The following KCNMA1 variants were observed in gnomAD, a reference collection of about 807,000 sequenced individuals.
KCNMA1 encodes potassium calcium-activated channel subfamily M alpha 1, also known as Calcium-activated potassium channel subunit alpha-1.
Under a neutral mutation model 140.0 loss-of-function variants are expected in KCNMA1, and 29 were observed. The ratio of observed to expected loss-of-function variants is 0.21; its 90% CI spans 0.15 to 0.28. The LOEUF is 0.28. Ranked by LOEUF, KCNMA1 falls within the 10% of genes least tolerant of loss-of-function variation. The pLI, the probability that KCNMA1 is intolerant of heterozygous loss-of-function variation, is 1.00. For synonymous variants in KCNMA1, 612 were observed against 611.9 expected (o/e 1.00, Z 0.00); for missense variants, 880 against 1,602.2 (o/e 0.55, Z 7.70).
intron 1 of KCNMA1, among the ~76,000 whole-genome samples, chr10:77,472,927 T>C (rs2098196669): frequency 6.6e-6 from 1 of 152,196 alleles, no homozygotes; most frequent in Admixed American, 6.5e-5. Flanking sequence ...CTGACATTCA[T>C]GGTGGGCTCG....
chr10:77,317,468 G>A (rs544696578), intron 2 of KCNMA1, among the ~76,000 whole-genome samples: 5 of 152,236 alleles, frequency 3.3e-5, no homozygotes, highest in Non-Finnish European at 4.4e-5. Context: ...GGAGTGTTAT[G>A]CTCAGATGAG....
Position 77,108,281 on chromosome 10 carries a change from C to T in KCNMA1, c.1223+200G>A. The stretch of plus-strand genomic sequence containing the variant: ...ACCACATCTTTTCTGATGCAACTGA[C>T]TTACTTTCTGCCTCCATGTTTGTTA... On this transcript the variant is annotated intron_variant, in intron 9 of 27. Transcript: ENST00000286628. The surrounding 1 kb of genome is among the most constrained non-coding windows in gnomAD (Gnocchi z 4.6). 1 of 1,472,046 alleles carries T rather than the reference C, an allele frequency of 6.8e-7. No homozygotes were observed. Among genetic ancestry groups the T allele is most frequent in the South Asian group, 1.4e-5 (1 of 71,056 alleles). The allele number at this position is 1,472,046 out of a possible 1,614,324, so 91.2% of individuals were successfully genotyped here.
chr10:77,362,803 C>T (rs900666006), intron 2 of KCNMA1, among the ~76,000 whole-genome samples: 2 of 152,190 alleles, frequency 1.3e-5, no homozygotes, highest in African/African-American at 2.4e-5. Context: ...AATCTCTTCA[C>T]GGACCGCTTG....
intron 6 of KCNMA1, 67 bp from the exon 7 acceptor site, chr10:77,112,509 A>G: frequency 8.6e-7 from 1 of 1,165,768 alleles, no homozygotes; most frequent in East Asian, 2.4e-5. Context: ...GCTGCCTTAC[A>G]GGGTAACAGC....
At position 77,144,021 on chromosome 10, in the gene KCNMA1, G is replaced by T. The variant is rs536438220; in HGVS notation, c.809-22973C>A. On this transcript the variant is annotated intron_variant, in intron 5 of 27. Coordinates refer to ENST00000286628, the MANE Select transcript of KCNMA1 (RefSeq NM_001161352.2). ...TCCTTTGGAAAACTGGCAGTTTCTTGTAATGTTAAACATGCATCTATCCTA... is the reference window on the plus strand; with the variant it reads ...TCCTTTGGAAAACTGGCAGTTTCTTTTAATGTTAAACATGCATCTATCCTA... Among the ~76,000 whole-genome samples the T allele has an allele frequency of 2.0e-3, 308 of 152,168 alleles. 1 individual carries two copies. The highest frequency in any genetic ancestry group is 6.9e-3 in the African/African-American group (285 of 41,538).
chr10:77,116,281 T>G (rs1014220961), intron 6 of KCNMA1, among the ~76,000 whole-genome samples: 9 of 152,194 alleles, frequency 5.9e-5, no homozygotes, highest in Admixed American at 1.3e-4. Flanking sequence ...TGAATCATGA[T>G]AGGTCAGGCA....
chr10:77,399,439 G>A (rs957701667), intron 2 of KCNMA1, among the ~76,000 whole-genome samples: 39 of 152,102 alleles, frequency 2.6e-4, no homozygotes, highest in African/African-American at 8.9e-4. Context: ...ATAAACATTT[G>A]TTTAGTTAAG....
chr10:77,152,305 TG>T (rs951279401), intron 5 of KCNMA1, among the ~76,000 whole-genome samples: 2 of 151,838 alleles, frequency 1.3e-5, no homozygotes, highest in African/African-American at 4.8e-5. Flanking sequence ...TGTGTGTGTG[TG>T]TGTTGTTGCT....
At chr10:77,609,032 T>C (rs184920642) in intron 1 of KCNMA1, among the ~76,000 whole-genome samples, 1 of 152,300 alleles carries the variant, frequency 6.6e-6, no homozygotes, top group Admixed American at 6.5e-5. Context: ...GAAAACAGTA[T>C]GGAGGTTCCT....
At position 77,400,014 on chromosome 10, in the gene KCNMA1, C is replaced by T. The variant is rs147543463; in HGVS notation, c.540+3848G>A. 5.5e-3 allele frequency among the ~76,000 whole-genome samples: 842 copies of T among 152,252 alleles called. 8 individuals are homozygous for T. Among genetic ancestry groups the T allele is most frequent in the Middle Eastern group, 0.031 (9 of 294 alleles). On this transcript the variant is annotated intron_variant, in intron 2 of 27. Coordinates refer to ENST00000286628, the MANE Select transcript of KCNMA1 (RefSeq NM_001161352.2). ...CAGATGAGGAGGCCAAGCTCCTGAG[C>T]GTGCATCAAGGAAAACAAATTAAAA...
chr10:77,123,922 C>T (rs142887148), intron 5 of KCNMA1, among the ~76,000 whole-genome samples: 2 of 152,146 alleles, frequency 1.3e-5, no homozygotes, highest in Admixed American at 1.3e-4. Flanking sequence ...CCAGGGAGTG[C>T]AGATGGCACG....
chr10:77,582,913 T>A (rs370434381), intron 1 of KCNMA1, among the ~76,000 whole-genome samples: 12 of 152,172 alleles, frequency 7.9e-5, no homozygotes, highest in African/African-American at 2.7e-4. Context: ...TTCCTCTGAC[T>A]CATCTGCACA....
At chr10:77,213,712 T>G (rs2046835347) in intron 3 of KCNMA1, among the ~76,000 whole-genome samples, 1 of 152,164 alleles carries the variant, frequency 6.6e-6, no homozygotes, top group Admixed American at 6.5e-5. Context: ...GTCCTTGCTC[T>G]GCTGATTGTC....
At chr10:77,438,563 C>CA (rs1181096294) in intron 1 of KCNMA1, among the ~76,000 whole-genome samples, 2,783 of 103,444 alleles carry the variant, frequency 0.027, 99 homozygotes, top group Admixed American at 0.13. Context: ...AACTCTGTCT[C>CA]AAAAAAAAAA....
chr10:77,097,174 G>T (rs1378903968), intron 9 of KCNMA1, among the ~76,000 whole-genome samples: 1 of 152,126 alleles, frequency 6.6e-6, no homozygotes, highest in Non-Finnish European at 1.5e-5. Context: ...CTTAATGCAG[G>T]TTTCCCTGAT....
Position 77,081,994 on chromosome 10 carries a change from CTTTTTTTCTTTTCTTTTTTTTT to C in KCNMA1, c.1524-2466_1524-2445del, listed in dbSNP as rs1186212773. On this transcript the variant is annotated intron_variant, in intron 12 of 27. Transcript: ENST00000286628. ...TGATACTACCTTTGACCAGTAATTT[CTTTTTTTCTTTTCTTTTTTTTT>C]TTTTTTTTTTTTTTTTTTTTTTTTT... Among the ~76,000 whole-genome samples the C allele has an allele frequency of 3.1e-3, 215 of 68,526 alleles. 8 individuals carry two copies. The highest frequency in any genetic ancestry group is 8.7e-3 in the African/African-American group (136 of 15,722). The allele number at this position is 68,526 out of a possible 152,430, so 45.0% of individuals were successfully genotyped here.
At chr10:77,361,250 C>G (rs117888905) in intron 2 of KCNMA1, among the ~76,000 whole-genome samples, 149 of 152,280 alleles carry the variant, frequency 9.8e-4, no homozygotes, top group Non-Finnish European at 1.8e-3. Context: ...TGATCGTCAT[C>G]GTCATCATCA....
intron 3 of KCNMA1, among the ~76,000 whole-genome samples, chr10:77,185,598 A>ATT (rs398046317): frequency 0.16 from 23,020 of 144,500 alleles, 2,221 homozygotes; most frequent in Non-Finnish European, 0.21. Context: ...CTAAGGGTTA[A>ATT]TTTTTTTTTT....
At chr10:76,973,380 T>C (rs1351339687) in intron 19 of KCNMA1, among the ~76,000 whole-genome samples, 1 of 152,186 alleles carries the variant, frequency 6.6e-6, no homozygotes, top group Non-Finnish European at 1.5e-5. Flanking sequence ...AGCGCTCCCT[T>C]GTCTAATAGG....
Sources: gnomAD v4.1 joint callset for allele counts (sites outside exome capture counted in the v4.1 genomes callset) on GRCh38, gnomAD v4.1.1 for gene constraint, Gnocchi (gnomAD v3.1) non-coding constraint, MANE v1.5 for transcripts, NCBI Gene and HGNC (gene_info 2026-07-23, HGNC 2026-07-21) for gene names.